The following THBS4 variants were observed in gnomAD, a reference collection of about 807,000 sequenced individuals.
The protein encoded by THBS4 is thrombospondin-4.
A neutral mutation model predicts 115.7 loss-of-function variants in THBS4; 90 were observed. The ratio of observed to expected loss-of-function variants is 0.78; its 90% CI spans 0.66 to 0.93. THBS4 has a LOEUF of 0.93. Among genes scored for constraint, THBS4 ranks in the 40% least tolerant of loss-of-function variants. The probability of loss-of-function intolerance (pLI) is 0.00; values close to 1 mark genes in which losing one functional copy is unlikely to be tolerated. For missense variants in THBS4, 1,087 were observed against 1,232.7 expected (o/e 0.88, Z 1.77); for synonymous variants, 460 against 479.3 (o/e 0.96, Z 0.53).
chr5:80,070,930 A>G, intron 12 of THBS4, 91 bp from the exon 13 acceptor site: 2 of 1,590,390 alleles, frequency 1.3e-6, no homozygotes, highest in Non-Finnish European at 8.5e-7. Flanking sequence ...AAACTGACAA[A>G]CTTGGGCCAC....
chr5:80,016,944 ATATT>A (rs1330584897), intron 2 of THBS4, among the ~76,000 whole-genome samples: 4 of 152,218 alleles, frequency 2.6e-5, no homozygotes. Flanking sequence ...TAATCATTTT[ATATT>A]TATTTATTGA....
intron 2 of THBS4, among the ~76,000 whole-genome samples, chr5:80,027,894 CAAAAAAAA>C (rs1159986888): frequency 2.1e-5 from 1 of 47,720 alleles, no homozygotes; most frequent in African/African-American, 8.4e-5. Context: ...ACCCTGTCTC[CAAAAAAAA>C]AAAAAAAAAA....
At chr5:80,082,288 TA>T in intron 20 of THBS4, 117 bp from the exon 21 acceptor site, 2 of 1,415,894 alleles carry the variant, frequency 1.4e-6, no homozygotes, top group Non-Finnish European at 1.9e-6. Context: ...AAATGGAGCC[TA>T]AAACAGAGCA....
At chr5:80,075,783 T>C (rs1743176637) in intron 15 of THBS4, among the ~76,000 whole-genome samples, 1 of 152,220 alleles carries the variant, frequency 6.6e-6, no homozygotes, top group Non-Finnish European at 1.5e-5. Context: ...AGCTCAGTCT[T>C]GTGTTTTATA....
chr5:80,005,552 A>T (rs1024694503), intron 2 of THBS4, among the ~76,000 whole-genome samples: 11 of 152,014 alleles, frequency 7.2e-5, no homozygotes, highest in Admixed American at 5.9e-4. Context: ...ACTAGATGTG[A>T]ATTCTAGAGA....
At chr5:80,044,236 A>T (rs531742701) in intron 2 of THBS4, among the ~76,000 whole-genome samples, 3 of 152,324 alleles carry the variant, frequency 2.0e-5, no homozygotes, top group Non-Finnish European at 4.4e-5. Context: ...CAGGGACTAT[A>T]CAGCCCTTAT....
rs201266325 is a variant in THBS4, at chr5:80,082,384, C to G, written c.2685-22C>G. On this transcript the variant is annotated intron_variant, in intron 20 of 21. Transcript: ENST00000350881. ...CCCCGGGTTGGATTTCATGGAGGCCCCTCCGGCCGTGTTGTCCGCAGGGTA... is the reference window on the plus strand; with the variant it reads ...CCCCGGGTTGGATTTCATGGAGGCCGCTCCGGCCGTGTTGTCCGCAGGGTA... The G allele has an allele frequency of 3.0e-4, 483 of 1,611,946 alleles. 3 individuals carry two copies. The African/African-American group carries it at 5.8e-3, about 19-fold the overall frequency.
At chr5:79,992,106 C>G (rs1831690538) in intron 1 of THBS4, among the ~76,000 whole-genome samples, 1 of 152,190 alleles carries the variant, frequency 6.6e-6, no homozygotes, top group Non-Finnish European at 1.5e-5. Context: ...CCCCTCAAAT[C>G]ATGTAGCTCG....
At position 80,058,308 on chromosome 5, in the gene THBS4, G is replaced by A. The variant is rs140164857; in HGVS notation, c.643G>A (p.Gly215Ser). The A allele has an allele frequency of 7.7e-6, 12 of 1,559,928 alleles. No individual in the cohort carries two copies. Among genetic ancestry groups the A allele is most frequent in the Non-Finnish European group, 1.0e-5 (12 of 1,151,412 alleles). Residue 215 changes from glycine (G) to serine (S), a missense_variant, in exon 4 of 22, where the codon GGC (glycine) becomes AGC (serine). Gly to Ser is a moderately conservative substitution (Grantham distance 56, BLOSUM62 0). Around this residue, in one of 3 missense-constraint regions of THBS4, gnomAD observed 979 missense variants for 1,103.7 expected, o/e 0.89. Coordinates refer to ENST00000350881, the MANE Select transcript of THBS4 (RefSeq NM_003248.6). ...LQQSEPLAAT[G>S]TGDFNRQFLG... ...GCAGAGTGAGCCACTGGCTGCCACAGGCACAGGTGTGGGCTCTTGGGCAGT... is the reference window on the plus strand; with the variant it reads ...GCAGAGTGAGCCACTGGCTGCCACAAGCACAGGTGTGGGCTCTTGGGCAGT...
chr5:80,057,718 A>G (rs692979), intron 3 of THBS4, among the ~76,000 whole-genome samples: 82,656 of 152,076 alleles, frequency 0.54, 22,805 homozygotes, highest in African/African-American at 0.63. Flanking sequence ...AACCCGTAAT[A>G]TAAAAATATG....
At chr5:80,022,439 A>G (rs1213485710) in intron 2 of THBS4, among the ~76,000 whole-genome samples, 1 of 152,242 alleles carries the variant, frequency 6.6e-6, no homozygotes, top group African/African-American at 2.4e-5. Context: ...CAGTGGTTAC[A>G]GCCACAAGCA....
intron 2 of THBS4, among the ~76,000 whole-genome samples, chr5:80,012,564 A>T (rs1210758524): frequency 6.6e-6 from 1 of 152,148 alleles, no homozygotes; most frequent in Non-Finnish European, 1.5e-5. Flanking sequence ...CCCAGAGGCA[A>T]ATTTCAACTA....
At chr5:80,011,237 G>A (rs1832118977) in intron 2 of THBS4, among the ~76,000 whole-genome samples, 1 of 152,188 alleles carries the variant, frequency 6.6e-6, no homozygotes, top group African/African-American at 2.4e-5. Context: ...CCCCAGCCAC[G>A]TGGAACTGCA....
intron 3 of THBS4, among the ~76,000 whole-genome samples, 180 bp from the exon 4 acceptor site, chr5:80,058,025 CT>C (rs989115516): frequency 1.3e-5 from 2 of 152,192 alleles, no homozygotes; most frequent in African/African-American, 4.8e-5. Context: ...TACATATTCA[CT>C]TTAGTCAAAA....
intron 2 of THBS4, among the ~76,000 whole-genome samples, chr5:80,003,748 A>G (rs536484561): frequency 1.3e-5 from 2 of 152,360 alleles, no homozygotes; most frequent in Non-Finnish European, 2.9e-5. Flanking sequence ...GAAATCCCAT[A>G]TCTCTGAAGA....
At chr5:80,045,932 T>G (rs985509750) in intron 2 of THBS4, among the ~76,000 whole-genome samples, 1 of 152,210 alleles carries the variant, frequency 6.6e-6, no homozygotes, top group African/African-American at 2.4e-5. Flanking sequence ...TGAATTAGCT[T>G]AATTTTAAAG....
At chr5:80,043,214 G>A (rs149198448) in intron 2 of THBS4, among the ~76,000 whole-genome samples, 6 of 152,160 alleles carry the variant, frequency 3.9e-5, no homozygotes, top group South Asian at 4.2e-4. Context: ...TGGAGCAGTC[G>A]GAAAAAATAC....
intron 3 of THBS4, among the ~76,000 whole-genome samples, chr5:80,057,549 C>G (rs1399780761): frequency 6.6e-6 from 1 of 152,192 alleles, no homozygotes; most frequent in Non-Finnish European, 1.5e-5. Context: ...CTCTGAAAAT[C>G]CTTAGCTGTG....
intron 2 of THBS4, among the ~76,000 whole-genome samples, chr5:79,999,420 T>C (rs12054697): frequency 6.6e-6 from 1 of 151,968 alleles, no homozygotes; most frequent in Non-Finnish European, 1.5e-5. Flanking sequence ...AATAGTAAAT[T>C]CACATGCCTC....
Sources: gnomAD v4.1 joint callset for allele counts (sites outside exome capture counted in the v4.1 genomes callset) on GRCh38, gnomAD v4.1.1 for gene constraint, gnomAD v4.1.1 regional missense constraint, MANE v1.5 for transcripts, NCBI Gene and HGNC (gene_info 2026-07-23, HGNC 2026-07-21) for gene names.